The following TNFSF11 variants were observed in gnomAD, a reference collection of about 807,000 sequenced individuals.
The protein encoded by TNFSF11 is tumor necrosis factor ligand superfamily member 11.
In TNFSF11, 12 loss-of-function variants were observed where a neutral mutation model predicts 32.2. The ratio of observed to expected loss-of-function variants is 0.37; its 90% CI spans 0.24 to 0.60. TNFSF11 has a LOEUF of 0.60. Among genes scored for constraint, TNFSF11 ranks in the 20% least tolerant of loss-of-function variants. TNFSF11 has a pLI of 0.66. For missense variants in TNFSF11, 345 were observed against 398.0 expected (o/e 0.87, Z 1.13); for synonymous variants, 172 against 152.1 (o/e 1.13, Z -0.96).
exon 2 of TNFSF11, chr13:42,566,697 T>A (rs201492208): frequency 1.3e-4 from 20 of 152,280 alleles, no homozygotes; most frequent in African/African-American, 4.8e-4. Context: ...ATATTCAGGA[T>A]GAAGCATAAA....
intron 2 of TNFSF11, among the ~76,000 whole-genome samples, chr13:42,581,617 T>C (rs1873620450): frequency 6.6e-6 from 1 of 152,228 alleles, no homozygotes; most frequent in South Asian, 2.1e-4. Context: ...CTAGTTTGAA[T>C]TCCCTGACCT....
intron 2 of TNFSF11, among the ~76,000 whole-genome samples, chr13:42,592,225 C>T (rs962051974): frequency 6.6e-6 from 1 of 152,190 alleles, no homozygotes; most frequent in African/African-American, 2.4e-5. Context: ...GTTAAAGGCT[C>T]AGCCCCACAA....
chr13:42,569,522 T>G (rs1424002376), upstream of TNFSF11, among the ~76,000 whole-genome samples: 4 of 144,044 alleles, frequency 2.8e-5, no homozygotes, highest in Admixed American at 2.1e-4. Context: ...CACTCCAGCC[T>G]GGGCTACAGA....
In TNFSF11 at chr13:42,574,446, T is replaced by A. The variant is rs750006547; in HGVS notation, c.143T>A (p.Met48Lys). 3.1e-6 allele frequency: 5 copies of A among 1,607,614 alleles called. No individual in the cohort carries two copies. The African/African-American group carries it at 6.7e-5, about 21-fold the overall frequency. The change falls in exon 1 of 5, where the codon ATG becomes AAG. Residue 48 changes from methionine (M) to lysine (K), a missense_variant. This residue lies in a region of TNFSF11 where 197 missense variants were observed against 182.0 expected (regional missense o/e 1.08). Transcript: ENST00000398795. ...PHQPPAASRS[M>K]FVALLGLGLG... ...CAGCCCCCTGCCGCCTCCCGCTCCA[T>A]GTTCGTGGCCCTCCTGGGGCTGGGG...
intron 4 of TNFSF11, among the ~76,000 whole-genome samples, chr13:42,604,430 A>G (rs2137911909): frequency 6.6e-6 from 1 of 152,334 alleles, no homozygotes; most frequent in South Asian, 2.1e-4. Context: ...AGGAGGCAAG[A>G]GGGCCTGTGA....
chr13:42,570,397 CAT>C (rs924799483), upstream of TNFSF11, among the ~76,000 whole-genome samples: 7 of 152,274 alleles, frequency 4.6e-5, no homozygotes, highest in African/African-American at 1.4e-4. Flanking sequence ...TCAATTTTCA[CAT>C]GAGTCCAAAA....
Position 42,607,627 on chromosome 13 carries a change from T to A in TNFSF11, c.*709T>A, listed in dbSNP as rs1869536453. On this transcript the variant is annotated 3_prime_UTR_variant, in exon 5 of 5. Coordinates refer to ENST00000398795, the MANE Select transcript of TNFSF11 (RefSeq NM_003701.4). Reference sequence around the variant, plus strand: ...CAAATGCAGTATATTTCTTCGTTCTTTTTAAGTTAATAGATTTTTTCAGAC... The same window carrying A: ...CAAATGCAGTATATTTCTTCGTTCTATTTAAGTTAATAGATTTTTTCAGAC... 6.5e-6 allele frequency: 1 copy of A among 152,814 alleles called. No individual in the cohort carries two copies. The highest frequency in any genetic ancestry group is 2.4e-5 in the African/African-American group (1 of 41,452). The allele number at this position is 152,814 out of a possible 1,614,324, so 9.5% of individuals were successfully genotyped here.
chr13:42,579,314 AG>A (rs1873476014), intron 1 of TNFSF11, among the ~76,000 whole-genome samples: 1 of 151,392 alleles, frequency 6.6e-6, no homozygotes, highest in South Asian at 2.1e-4. Flanking sequence ...AGGCTAAGGA[AG>A]GAGGATTGCT....
rs576446480 is a variant in TNFSF11, at chr13:42,597,872, C to T, written c.388-2880C>T. On this transcript the variant is annotated intron_variant, in intron 2 of 4. Coordinates refer to ENST00000398795, the MANE Select transcript of TNFSF11 (RefSeq NM_003701.4). ...TTTCTTTTCTTTTCTTTTTTTTAGA[C>T]GGGGTCTTGCTCTGTCACCTAGGCT... is the stretch of plus-strand genomic sequence containing the variant. 4.1e-4 allele frequency among the ~76,000 whole-genome samples: 62 copies of T among 152,016 alleles called. 2 individuals carry two copies. Among genetic ancestry groups the T allele is most frequent in the African/African-American group, 1.2e-4 (5 of 41,458 alleles).
At chr13:42,590,326 A>C (rs776326300) in intron 2 of TNFSF11, among the ~76,000 whole-genome samples, 2 of 152,230 alleles carry the variant, frequency 1.3e-5, no homozygotes, top group Non-Finnish European at 2.9e-5. Flanking sequence ...GTCACTCGCA[A>C]GCTCAGTGTT....
Position 42,574,261 on chromosome 13 carries a change from G to A in TNFSF11, c.-43G>A, listed in dbSNP as rs2137851991. On this transcript the variant is annotated 5_prime_UTR_variant, in exon 1 of 5. Transcript: ENST00000398795. ...TGGCCGCAGACAAGAAGGGGAGGGAGCGGGAGAGGGAGGAGAGCTCCGAAG... is the reference window on the plus strand; with the variant it reads ...TGGCCGCAGACAAGAAGGGGAGGGAACGGGAGAGGGAGGAGAGCTCCGAAG... 6.5e-7 allele frequency: 1 copy of A among 1,542,464 alleles called. No homozygotes were observed. Among genetic ancestry groups the A allele is most frequent in the Middle Eastern group, 2.3e-4 (1 of 4,344 alleles).
Position 42,606,971 on chromosome 13 carries a change from A to T in TNFSF11, c.*53A>T. 3.1e-6 allele frequency: 5 copies of T among 1,610,742 alleles called. No individual in the cohort carries two copies. The highest frequency in any genetic ancestry group is 4.2e-6 in the Non-Finnish European group (5 of 1,178,038). The stretch of plus-strand genomic sequence containing the variant: ...TCCTGGATGTTTGGAAACATTTTTT[A>T]AAACAAGCCAAGAAAGATGTATATA... On this transcript the variant is annotated 3_prime_UTR_variant, in exon 5 of 5. Transcript: ENST00000398795.
At chr13:42,573,306 T>A (rs1434973133), upstream of TNFSF11, among the ~76,000 whole-genome samples, 1 of 152,220 alleles carries the variant, frequency 6.6e-6, no homozygotes, top group Admixed American at 6.5e-5. Flanking sequence ...GCAACTTCCT[T>A]CTGAAGAAGT....
At chr13:42,594,877 G>A (rs1868711791) in intron 2 of TNFSF11, among the ~76,000 whole-genome samples, 1 of 152,024 alleles carries the variant, frequency 6.6e-6, no homozygotes, top group South Asian at 2.1e-4. Flanking sequence ...GATCTTTTGT[G>A]TACTTTGTTT....
intron 2 of TNFSF11, among the ~76,000 whole-genome samples, chr13:42,591,223 A>G (rs1162155308): frequency 6.6e-6 from 1 of 152,200 alleles, no homozygotes; most frequent in Non-Finnish European, 1.5e-5. Context: ...TTGATTAGTC[A>G]GTACTTTTAT....
At chr13:42,585,906 T>C (rs961661566) in intron 2 of TNFSF11, among the ~76,000 whole-genome samples, 1 of 152,224 alleles carries the variant, frequency 6.6e-6, no homozygotes, top group African/African-American at 2.4e-5. Flanking sequence ...GAAAGAATAA[T>C]GTGCAGGAGA....
chr13:42,588,139 G>A (rs929893957), intron 2 of TNFSF11, among the ~76,000 whole-genome samples: 1 of 152,204 alleles, frequency 6.6e-6, no homozygotes, highest in African/African-American at 2.4e-5. Context: ...TTTGGAAACT[G>A]CAATTCAACC....
At chr13:42,576,468 G>A (rs1484223688) in intron 1 of TNFSF11, among the ~76,000 whole-genome samples, 4 of 152,084 alleles carry the variant, frequency 2.6e-5, no homozygotes, top group African/African-American at 9.7e-5. Context: ...CAAAGTAAAC[G>A]TGTGAGTTAG....
chr13:42,577,790 C>G (rs1232400988), intron 1 of TNFSF11, among the ~76,000 whole-genome samples: 2 of 152,176 alleles, frequency 1.3e-5, no homozygotes, highest in Non-Finnish European at 2.9e-5. Flanking sequence ...GCACAAACGT[C>G]AAGCATCCTG....
Sources: gnomAD v4.1 joint callset for allele counts (sites outside exome capture counted in the v4.1 genomes callset) on GRCh38, gnomAD v4.1.1 for gene constraint, gnomAD v4.1.1 regional missense constraint, MANE v1.5 for transcripts, NCBI Gene and HGNC (gene_info 2026-07-23, HGNC 2026-07-21) for gene names.